Variants in DGKB observed in about 807,000 individuals in gnomAD.
DGKB encodes 90 kDa diacylglycerol kinase.
A neutral mutation model predicts 114.3 loss-of-function variants in DGKB; 67 were observed. That is an observed-to-expected ratio of 0.59 (90% confidence interval 0.48 to 0.72). The LOEUF (loss-of-function observed/expected upper bound fraction) is 0.72, where lower values mean the gene tolerates loss of function less well. DGKB is among the 30% of genes least tolerant of loss of function. The pLI, the probability that DGKB is intolerant of heterozygous loss-of-function variation, is 0.00. For missense variants in DGKB, 907 were observed against 975.2 expected (o/e 0.93, Z 0.93); for synonymous variants, 398 against 323.1 (o/e 1.23, Z -2.49).
chr7:14,629,370 CT>C (rs941770761), intron 14 of DGKB, among the ~76,000 whole-genome samples: 17 of 150,498 alleles, frequency 1.1e-4, no homozygotes, highest in East Asian at 3.9e-4. Flanking sequence ...AAAATGAGAA[CT>C]TTTTTTTTAA....
At chr7:14,825,472 A>G (rs544396861) in intron 2 of DGKB, among the ~76,000 whole-genome samples, 1 of 152,216 alleles carries the variant, frequency 6.6e-6, no homozygotes, top group Admixed American at 6.5e-5. Context: ...ATCGGATATT[A>G]TATTTTCATA....
chr7:14,621,572 G>T (rs1807665598), intron 14 of DGKB, 78 bp from the exon 15 acceptor site: 1 of 854,366 alleles, frequency 1.2e-6, no homozygotes, highest in Non-Finnish European at 1.8e-6. Flanking sequence ...TTTACTAATA[G>T]AAGAGTTTCA....
intron 17 of DGKB, among the ~76,000 whole-genome samples, chr7:14,591,512 T>C (rs976973342): frequency 5.3e-5 from 8 of 152,088 alleles, no homozygotes; most frequent in Admixed American, 4.6e-4. Context: ...AGCCTATTAT[T>C]TGGGTTTAGC....
intron 5 of DGKB, among the ~76,000 whole-genome samples, chr7:14,721,774 C>T (rs183176876): frequency 2.6e-5 from 4 of 152,100 alleles, no homozygotes; most frequent in East Asian, 1.9e-4. Context: ...ATAGAGTGCA[C>T]TGAAGAAGAA....
chr7:14,554,058 G>T (rs777717846), intron 20 of DGKB, among the ~76,000 whole-genome samples: 1 of 151,734 alleles, frequency 6.6e-6, no homozygotes, highest in Non-Finnish European at 1.5e-5. Context: ...TTTTTTAGTA[G>T]AGACGGGGTT....
Position 14,920,064 on chromosome 7 carries a change from G to A in DGKB, c.-188+54632C>T, listed in dbSNP as rs113948054. On this transcript the variant is annotated intron_variant, in intron 1 of 4. Coordinates refer to the DGKB transcript ENST00000437998. ...AAACTAATGAATACAAACATGTAGA[G>A]GATGACATAGAAAATCTAGGTAACT... Among the ~76,000 whole-genome samples, 1,097 of 152,196 alleles carry A rather than the reference G, an allele frequency of 7.2e-3. 17 individuals are homozygous for A. The highest frequency in any genetic ancestry group is 0.025 in the African/African-American group (1,044 of 41,528).
intron 1 of DGKB, among the ~76,000 whole-genome samples, chr7:14,929,094 A>C (rs1213599483): frequency 1.3e-5 from 2 of 151,562 alleles, no homozygotes; most frequent in Non-Finnish European, 3.0e-5. Flanking sequence ...CTAGTACTAC[A>C]TTGTGTATAT....
chr7:14,759,025 A>G (rs993443338), intron 2 of DGKB, among the ~76,000 whole-genome samples: 4 of 152,064 alleles, frequency 2.6e-5, no homozygotes, highest in African/African-American at 9.7e-5. Context: ...CCTGGGTTCA[A>G]CCGGTTCTCC....
intron 2 of DGKB, among the ~76,000 whole-genome samples, chr7:14,800,071 C>T (rs907146626): frequency 4.6e-5 from 7 of 152,126 alleles, no homozygotes; most frequent in South Asian, 2.1e-4. Context: ...TGTACACCAC[C>T]GCGCCTGGCT....
chr7:14,154,804 A>C (rs936950006), intron 25 of DGKB, among the ~76,000 whole-genome samples: 1 of 151,720 alleles, frequency 6.6e-6, no homozygotes, highest in Non-Finnish European at 1.5e-5. Context: ...CACAGAAAAA[A>C]GGACACAGGA....
chr7:14,344,083 A>G (rs1812078187), intron 22 of DGKB, among the ~76,000 whole-genome samples: 1 of 150,010 alleles, frequency 6.7e-6, no homozygotes, highest in African/African-American at 2.4e-5. Flanking sequence ...TGTGTTATAT[A>G]TATCATTTTA....
chr7:14,370,698 G>A (rs1428293793), intron 21 of DGKB, among the ~76,000 whole-genome samples: 1 of 151,956 alleles, frequency 6.6e-6, no homozygotes, highest in East Asian at 1.9e-4. Flanking sequence ...ATTCAGGGAG[G>A]GCACGTGGAT....
intron 21 of DGKB, among the ~76,000 whole-genome samples, chr7:14,390,668 T>A (rs947724309): frequency 2.0e-5 from 3 of 152,184 alleles, no homozygotes; most frequent in Non-Finnish European, 4.4e-5. Context: ...ATCCAAGACA[T>A]TTCTTTAACA....
At chr7:14,831,969 A>G (rs1846477077) in intron 2 of DGKB, among the ~76,000 whole-genome samples, 1 of 152,088 alleles carries the variant, frequency 6.6e-6, no homozygotes, top group South Asian at 2.1e-4. Flanking sequence ...CGGAGAAGCC[A>G]AGATATAGAA....
chr7:14,280,989 G>T, intron 23 of DGKB, among the ~76,000 whole-genome samples: 1 of 150,804 alleles, frequency 6.6e-6, no homozygotes, highest in Non-Finnish European at 1.5e-5. Flanking sequence ...CATAATGACA[G>T]CATCAAATTC....
intron 20 of DGKB, among the ~76,000 whole-genome samples, chr7:14,492,166 G>A (rs1784685942): frequency 6.6e-6 from 1 of 152,014 alleles, no homozygotes; most frequent in Non-Finnish European, 1.5e-5. Context: ...CCTATAAGGG[G>A]AAATTGCTCC....
chr7:14,558,989 G>T (rs1047855144), intron 20 of DGKB, among the ~76,000 whole-genome samples: 1 of 152,160 alleles, frequency 6.6e-6, no homozygotes, highest in Admixed American at 6.5e-5. Context: ...GAACAAAGCA[G>T]ATCACCTGCA....
intron 1 of DGKB, among the ~76,000 whole-genome samples, chr7:14,889,424 C>G (rs1047096473): frequency 1.3e-5 from 2 of 151,552 alleles, no homozygotes; most frequent in African/African-American, 2.4e-5. Context: ...ATAAACACCT[C>G]TGCATTTTAT....
intron 3 of DGKB, among the ~76,000 whole-genome samples, chr7:14,756,529 C>T (rs963974010): frequency 1.3e-5 from 2 of 151,498 alleles, no homozygotes; most frequent in African/African-American, 4.8e-5. Flanking sequence ...AAATAAATTC[C>T]AGGCTAAAGA....
Sources: allele counts gnomAD v4.1 joint callset (sites outside exome capture counted in the v4.1 genomes callset), GRCh38; gene constraint gnomAD v4.1.1; transcripts MANE v1.5; gene names NCBI Gene and HGNC (gene_info 2026-07-23, HGNC 2026-07-21).